FCER1A: variants seen among roughly 807,000 people sequenced by gnomAD.
The protein encoded by FCER1A is Fc epsilon receptor Ia.
Under a neutral mutation model 23.6 loss-of-function variants are expected in FCER1A, and 24 were observed. That is an observed-to-expected ratio of 1.02 (90% CI 0.74 to 1.43). The LOEUF is 1.43. Among genes scored for constraint, FCER1A ranks in the 40% most tolerant of loss-of-function variants. The pLI is 0.00. For synonymous variants in FCER1A, 121 were observed against 108.8 expected (o/e 1.11, Z -0.70); for missense variants, 318 against 294.5 (o/e 1.08, Z -0.58).
At chr1:159,291,845 C>T (rs1207121476) in intron 1 of FCER1A, among the ~76,000 whole-genome samples, 1 of 152,108 alleles carries the variant, frequency 6.6e-6, no homozygotes, top group Non-Finnish European at 1.5e-5. Context: ...ACACATATTA[C>T]TCCACTGCCA....
At chr1:159,286,191 A>AAAAT (rs541712574), upstream of FCER1A, among the ~76,000 whole-genome samples, 8,200 of 151,328 alleles carry the variant, frequency 0.054, 296 homozygotes, top group Admixed American at 0.083. Context: ...CCCTGCCACC[A>AAAAT]AAATAAATAA....
intron 3 of FCER1A, among the ~76,000 whole-genome samples, chr1:159,304,543 G>T (rs938128545): frequency 6.6e-6 from 1 of 152,130 alleles, no homozygotes; most frequent in African/African-American, 2.4e-5. Flanking sequence ...GGAGGTGGAG[G>T]TTGCAGTGAG....
At chr1:159,297,927 A>G (rs1292841412), upstream of FCER1A, among the ~76,000 whole-genome samples, 1 of 152,174 alleles carries the variant, frequency 6.6e-6, no homozygotes, top group Non-Finnish European at 1.5e-5. Flanking sequence ...AACTTTCCTT[A>G]AGGATCTTCC....
intron 1 of FCER1A, among the ~76,000 whole-genome samples, chr1:159,294,135 T>A (rs1423634170): frequency 6.6e-6 from 1 of 152,210 alleles, no homozygotes; most frequent in Non-Finnish European, 1.5e-5. Context: ...GGTAAACTAG[T>A]TCAACCCTTG....
At chr1:159,307,505 C>G (rs1472709281) in intron 4 of FCER1A, among the ~76,000 whole-genome samples, 1 of 152,112 alleles carries the variant, frequency 6.6e-6, no homozygotes, top group Non-Finnish European at 1.5e-5. Context: ...CCTCTGGGCA[C>G]GGCACACTGG....
Position 159,302,803 on chromosome 1 carries a change from G to C in FCER1A, c.56-51G>C, listed in dbSNP as rs752365661. 3 of 1,568,042 alleles carry C rather than the reference G, an allele frequency of 1.9e-6. No individual in the cohort carries two copies. The Admixed American group carries it at 5.0e-5, about 26-fold the overall frequency. On this transcript the variant is annotated intron_variant, in intron 1 of 4. Coordinates refer to ENST00000693622, the MANE Select transcript of FCER1A (RefSeq NM_001387280.1). ...CCCACACCCAGATTCTAGTCCTCTG[G>C]AGATAAAGAAGACTGCTGGACACTA...
At chr1:159,297,703 T>A (rs1652328969), upstream of FCER1A, among the ~76,000 whole-genome samples, 1 of 152,178 alleles carries the variant, frequency 6.6e-6, no homozygotes, top group Admixed American at 6.5e-5. Context: ...GCTAAACTTT[T>A]ATTTTTATTC....
intron 1 of FCER1A, among the ~76,000 whole-genome samples, chr1:159,295,605 A>G (rs1557967503): frequency 6.6e-6 from 1 of 152,182 alleles, no homozygotes; most frequent in Non-Finnish European, 1.5e-5. Flanking sequence ...CTAATAGTCT[A>G]ATCACAGACA....
intron 4 of FCER1A, among the ~76,000 whole-genome samples, chr1:159,307,347 C>T (rs940095732): frequency 6.6e-6 from 1 of 152,158 alleles, no homozygotes; most frequent in Non-Finnish European, 1.5e-5. Context: ...CTTCATTTTG[C>T]CTAACAGGCA....
the FCER1A span, among the ~76,000 whole-genome samples, chr1:159,283,896 G>A: frequency 6.6e-6 from 1 of 152,132 alleles, no homozygotes; most frequent in African/African-American, 2.4e-5. Flanking sequence ...GCTACTAAGA[G>A]GTAAGGAAGG....
chr1:159,307,892 T>A lies in FCER1A; in HGVS notation c.734T>A (p.Leu245His), dbSNP rs143576640. ...KIKRTRKGFR[L>H]LNPHPKPNPK... ...AAGAGAACCAGGAAAGGCTTCAGACTTCTGAACCCACATCCTAAGCCAAAC... is the reference window on the plus strand; with the variant it reads ...AAGAGAACCAGGAAAGGCTTCAGACATCTGAACCCACATCCTAAGCCAAAC... The change falls in exon 5 of 5, where the codon CTT (leucine) becomes CAT (histidine). Residue 245 changes from leucine to histidine, a missense_variant. Leu to His is a moderately conservative substitution (Grantham distance 99). Transcript: ENST00000693622. 5.3e-5 allele frequency: 86 copies of A among 1,612,718 alleles called. No individual in the cohort carries two copies. In the African/African-American group the frequency reaches 1.1e-3, roughly 20 times the overall value.
rs925793324 is a variant in FCER1A at position 159,308,115 on chromosome 1, T to C, written c.*183T>C. 1.5e-5 allele frequency: 7 copies of C among 456,442 alleles called. No homozygotes were observed. The highest frequency in any genetic ancestry group is 5.8e-5 in the African/African-American group (3 of 51,404). The allele number at this position is 456,442 out of a possible 1,614,324, so 28.3% of individuals were successfully genotyped here. A position where few individuals can be genotyped will look rare whatever the true frequency, so the allele number is the denominator to read the frequency against. The stretch of plus-strand genomic sequence containing the variant: ...TGTAATAGTAAGTGCTCAATTAACA[T>C]TGGTTGAATAAATGAGAGAATGAAT... On this transcript the variant is annotated 3_prime_UTR_variant, in exon 5 of 5. Transcript: ENST00000693622.
At chr1:159,307,578 A>T (rs1474220394) in intron 4 of FCER1A, among the ~76,000 whole-genome samples, 170 bp from the exon 5 acceptor site, 16 of 152,168 alleles carry the variant, frequency 1.1e-4, no homozygotes, top group Admixed American at 1.0e-3. Context: ...CAACAGAGCA[A>T]CTCAACCTAG....
At chr1:159,298,248 T>C (rs1293495902), upstream of FCER1A, among the ~76,000 whole-genome samples, 1 of 151,664 alleles carries the variant, frequency 6.6e-6, no homozygotes, top group Non-Finnish European at 1.5e-5. Flanking sequence ...GTGTAGATTA[T>C]GCTCAGTGAT....
chr1:159,303,749 G>A (rs993965851), intron 2 of FCER1A, among the ~76,000 whole-genome samples, 179 bp from the exon 3 acceptor site: 1 of 152,132 alleles, frequency 6.6e-6, no homozygotes. Flanking sequence ...GTTCCCTGGG[G>A]CACCAATACT....
chr1:159,302,505 G>T, intron 1 of FCER1A, 86 bp downstream of exon 1: 2 of 957,202 alleles, frequency 2.1e-6, no homozygotes, highest in South Asian at 1.3e-5. Context: ...TGTGGGTGGT[G>T]ACTTTTTCTA....
intron 1 of FCER1A, among the ~76,000 whole-genome samples, chr1:159,292,977 TAAGA>T (rs1326275755): frequency 1.3e-5 from 2 of 151,934 alleles, no homozygotes; most frequent in Non-Finnish European, 2.9e-5. Flanking sequence ...GAGTCCCCAT[TAAGA>T]AAGAATGTCC....
At chr1:159,300,195 C>T (rs181047151), upstream of FCER1A, among the ~76,000 whole-genome samples, 38 of 152,248 alleles carry the variant, frequency 2.5e-4, 2 homozygotes, top group African/African-American at 9.1e-4. Flanking sequence ...TTATACTCTT[C>T]GAACTAGGAA....
chr1:159,286,060 C>T (rs530308431), upstream of FCER1A, among the ~76,000 whole-genome samples: 14 of 151,594 alleles, frequency 9.2e-5, no homozygotes, highest in South Asian at 6.3e-4. Context: ...CGTGGTGGCG[C>T]GCCCCTGTAA....
Sources: allele counts gnomAD v4.1 joint callset (sites outside exome capture counted in the v4.1 genomes callset), GRCh38; gene constraint gnomAD v4.1.1; transcripts MANE v1.5; gene names NCBI Gene and HGNC (gene_info 2026-07-23, HGNC 2026-07-21).